NPAS1: variants seen among roughly 807,000 people sequenced by gnomAD.
The protein encoded by NPAS1 is neuronal PAS domain-containing protein 1.
In NPAS1, 29 loss-of-function variants were observed where a neutral mutation model predicts 49.2. The observed-to-expected ratio is 0.59, with a 90% CI of 0.44 to 0.80. The LOEUF (loss-of-function observed/expected upper bound fraction) is 0.80, where lower values mean the gene tolerates loss of function less well. Among genes scored for constraint, NPAS1 ranks in the 30% least tolerant of loss-of-function variants. The pLI is 0.00. For synonymous variants in NPAS1, 408 were observed against 380.4 expected, an observed-to-expected ratio of 1.07 and a Z score of -0.84; for missense variants, 825 against 835.5, an observed-to-expected ratio of 0.99 and a Z score of 0.15.
At chr19:47,039,010 T>C (rs781695252) in intron 6 of NPAS1, 26 bp from the exon 7 acceptor site, 3 of 1,604,468 alleles carry the variant, frequency 1.9e-6, no homozygotes, top group African/African-American at 1.3e-5. Flanking sequence ...CAGGACCCCA[T>C]AACCTTCCTT....
rs201128659 is a variant in NPAS1 at position 47,026,965 on chromosome 19, AAGAG to A, written c.358+5128_358+5131del. ...TAGATGCCGTCTCAAAAAAAAAAAAAAGAGAGAGAGAGAATGGTGGCATGACTCC... is the reference window on the plus strand; with the variant it reads ...TAGATGCCGTCTCAAAAAAAAAAAAAAGAGAGAGAATGGTGGCATGACTCC... On this transcript the variant is annotated intron_variant, in intron 3 of 11. Transcript: ENST00000602212. 1.0e-3 allele frequency among the ~76,000 whole-genome samples: 152 copies of A among 151,930 alleles called. No individual in the cohort carries two copies. In the East Asian group the frequency reaches 0.025, roughly 25 times the overall value.
rs17853872 is a variant in NPAS1 at position 47,021,795 on chromosome 19, G to T, written c.306G>T (p.Ala102=). The T allele has an allele frequency of 1.5e-4, 236 of 1,530,052 alleles. No homozygotes were observed. The East Asian group carries it at 5.5e-3, about 36-fold the overall frequency. The allele number at this position is 1,530,052 out of a possible 1,614,324, so 94.8% of individuals were successfully genotyped here. ...ACCTCCGCCTGCGCCGGTTCGCCGCGCTGGGGGCGCCGCCCTGGGGGCTGA... is the reference window on the plus strand; with the variant it reads ...ACCTCCGCCTGCGCCGGTTCGCCGCTCTGGGGGCGCCGCCCTGGGGGCTGA... ...VTYLRLRRFA[A]LGAPPWGLRA... Residue 102 remains alanine (A), a synonymous_variant, in exon 3 of 12, where the codon GCG becomes GCT. Coordinates refer to ENST00000602212, the MANE Select transcript of NPAS1 (RefSeq NM_002517.4). This position sits in a 1 kb window ranked among gnomAD's most constrained non-coding sequence, Gnocchi z 5.7.
chr19:47,029,827 A>G (rs2056894802), intron 3 of NPAS1, among the ~76,000 whole-genome samples: 1 of 152,242 alleles, frequency 6.6e-6, no homozygotes, highest in Non-Finnish European at 1.5e-5. Context: ...TCTTTTGATT[A>G]CATAGATTAC....
chr19:47,039,003 G>A (rs937021551), intron 6 of NPAS1, 33 bp from the exon 7 acceptor site: 2 of 1,592,992 alleles, frequency 1.3e-6, no homozygotes, highest in East Asian at 4.5e-5. Context: ...TCCTCTTCAG[G>A]ACCCCATAAC....
rs754851919 is a variant in NPAS1, at chr19:47,039,420, C to G, written c.818C>G (p.Thr273Ser). The G allele has an allele frequency of 6.2e-7, 1 of 1,611,902 alleles. No individual in the cohort carries two copies. ...CACCACCAGCAGGTCATCCACGTGA[C>G]TGGGCGCCTTCGGGCCCACGCCCTG... ...KASGYKVIHV[T>S]GRLRAHALGL... The change falls in exon 8 of 12, where the codon ACT becomes AGT. Residue 273 changes from threonine (T) to serine (S), a missense_variant. Transcript: ENST00000602212.
At chr19:47,039,330 G>A in intron 7 of NPAS1, 77 bp from the exon 8 acceptor site, 1 of 1,582,546 alleles carries the variant, frequency 6.3e-7, no homozygotes, top group Non-Finnish European at 8.6e-7. Context: ...GGGACAGAGG[G>A]AACCCAGCCC....
chr19:47,033,241 G>T (rs58768512), intron 5 of NPAS1, among the ~76,000 whole-genome samples: 1 of 146,064 alleles, frequency 6.8e-6, no homozygotes, highest in South Asian at 2.3e-4. Flanking sequence ...GCTGATGAGG[G>T]CTATTTTTTT....
In NPAS1 at chr19:47,045,242, C is replaced by T. The variant is rs774664152; in HGVS notation, c.1364C>T (p.Ala455Val). Residue 455 changes from alanine (A) to valine (V), a missense_variant, in exon 12 of 12, where the codon GCC becomes GTC. Ala to Val is a moderately conservative substitution (Grantham distance 64). Coordinates refer to ENST00000602212, the MANE Select transcript of NPAS1 (RefSeq NM_002517.4). ...GKQAAPAENE[A>V]PQTQGKRIKV... ...CAGGCTGCCCCAGCGGAGAACGAGG[C>T]CCCCCAGACCCAGGGCAAACGCATC... 3.1e-6 allele frequency: 5 copies of T among 1,613,702 alleles called. No individual in the cohort carries two copies. Among genetic ancestry groups the T allele is most frequent in the Non-Finnish European group, 4.2e-6 (5 of 1,179,972 alleles).
chr19:47,043,505 G>A (rs1007678240), intron 11 of NPAS1, among the ~76,000 whole-genome samples: 6 of 151,774 alleles, frequency 4.0e-5, no homozygotes, highest in African/African-American at 1.2e-4. Flanking sequence ...CAGGAGAATC[G>A]CTTGAACCCG....
chr19:47,040,861 G>A (rs537479628), intron 9 of NPAS1, 117 bp from the exon 10 acceptor site: 15 of 835,276 alleles, frequency 1.8e-5, no homozygotes, highest in Admixed American at 9.3e-5. Flanking sequence ...TCTCCCCACC[G>A]TCTCCCTGCC....
At position 47,036,313 on chromosome 19, in the gene NPAS1, A is replaced by C. The variant is rs575751830; in HGVS notation, c.688+184A>C. Among the ~76,000 whole-genome samples the C allele has an allele frequency of 5.3e-5, 8 of 152,350 alleles. No individual in the cohort carries two copies. In the South Asian group the frequency reaches 1.2e-3, roughly 24 times the overall value. On this transcript the variant is annotated intron_variant, in intron 6 of 11. Coordinates refer to ENST00000602212, the MANE Select transcript of NPAS1 (RefSeq NM_002517.4). ...GAGACTTGGTTCCTTAAGCTTGCCA[A>C]ACTCCCAAAGATTCGAGCTACAGAA...
chr19:47,027,553 T>C (rs1412357703), intron 3 of NPAS1, among the ~76,000 whole-genome samples: 5 of 18,460 alleles, frequency 2.7e-4, no homozygotes, highest in African/African-American at 9.9e-4. Flanking sequence ...CCTGGTCTCC[T>C]GTCTGTCTGC....
chr19:47,028,346 G>A lies in NPAS1; in HGVS notation c.359-3932G>A, dbSNP rs1290415197. On this transcript the variant is annotated intron_variant, in intron 3 of 11. Coordinates refer to ENST00000602212, the MANE Select transcript of NPAS1 (RefSeq NM_002517.4). ...AGCTCCAGGCGGAGGTGGAGGCAGGGAGGAACAGCCAGGAGGGTGTGGGGT... is the reference window on the plus strand; with the variant it reads ...AGCTCCAGGCGGAGGTGGAGGCAGGAAGGAACAGCCAGGAGGGTGTGGGGT... Among the ~76,000 whole-genome samples the A allele has an allele frequency of 2.0e-5, 3 of 152,060 alleles. No individual in the cohort carries two copies. In the East Asian group the frequency reaches 5.8e-4, roughly 29 times the overall value.
intron 10 of NPAS1, 50 bp downstream of exon 10, chr19:47,041,175 T>C: frequency 6.9e-7 from 1 of 1,458,210 alleles, no homozygotes. Context: ...CCCTGCTGTC[T>C]CTCCCCACCT....
chr19:47,024,450 G>A (rs377745424), intron 3 of NPAS1, among the ~76,000 whole-genome samples: 3 of 152,096 alleles, frequency 2.0e-5, no homozygotes, highest in African/African-American at 4.8e-5. Flanking sequence ...CCAGGAGTTC[G>A]AGACCTGCCT....
chr19:47,035,881 G>A, intron 5 of NPAS1, 83 bp from the exon 6 acceptor site: 1 of 1,388,674 alleles, frequency 7.2e-7, no homozygotes, highest in East Asian at 2.7e-5. Flanking sequence ...GCAGGCAAAT[G>A]AGGCAAGGCT....
In NPAS1 at chr19:47,042,908, A is replaced by G. The variant is rs1488716324; in HGVS notation, c.1312+4A>G. 1 of 1,582,878 alleles carries G rather than the reference A, an allele frequency of 6.3e-7. No homozygotes were observed. The highest frequency in any genetic ancestry group is 8.6e-7 in the Non-Finnish European group (1 of 1,164,940). ...AGCCCGGGGCCAGAGCCCACAGGTG[A>G]GCCCCACCTCCCACCTTGGCCCCTG... is the stretch of plus-strand genomic sequence containing the variant. On this transcript the variant is annotated splice_donor_region_variant and intron_variant, in intron 11 of 11. Transcript: ENST00000602212.
Position 47,039,432 on chromosome 19 carries a change from G to A in NPAS1, c.830G>A (p.Arg277Gln), listed in dbSNP as rs1184814737. 6.2e-6 allele frequency: 10 copies of A among 1,611,854 alleles called. No individual in the cohort carries two copies. Among genetic ancestry groups the A allele is most frequent in the South Asian group, 3.3e-5 (3 of 90,944 alleles). The change falls in exon 8 of 12, where the codon CGG becomes CAG. Residue 277 changes from arginine to glutamine, a missense_variant. Physicochemically the swap from Arg to Gln is conservative, Grantham distance 43. Coordinates refer to ENST00000602212, the MANE Select transcript of NPAS1 (RefSeq NM_002517.4). ...GTCATCCACGTGACTGGGCGCCTTC[G>A]GGCCCACGCCCTGGGCCTTGTGGCC... Reference protein sequence around the residue: ...YKVIHVTGRLRAHALGLVALG... With the variant: ...YKVIHVTGRLQAHALGLVALG...
At chr19:47,038,716 A>T (rs1037782742) in intron 6 of NPAS1, among the ~76,000 whole-genome samples, 2 of 152,136 alleles carry the variant, frequency 1.3e-5, no homozygotes, top group Middle Eastern at 3.2e-3. Context: ...AATCCCAGCT[A>T]CTTGGGAGGC....
Sources: gnomAD v4.1 joint callset for allele counts (sites outside exome capture counted in the v4.1 genomes callset) on GRCh38, gnomAD v4.1.1 for gene constraint, Gnocchi (gnomAD v3.1) non-coding constraint, MANE v1.5 for transcripts, NCBI Gene and HGNC (gene_info 2026-07-23, HGNC 2026-07-21) for gene names.